Variants in UGT1A7 observed in about 807,000 individuals in gnomAD.
The protein encoded by UGT1A7 is UDP glucuronosyltransferase family 1 member A7, also known as UDP-glucuronosyltransferase 1A7.
A neutral mutation model predicts 45.6 loss-of-function variants in UGT1A7; 33 were observed. That is an observed-to-expected ratio of 0.72 (90% CI 0.55 to 0.97). UGT1A7 has a LOEUF of 0.97. Among genes scored for constraint, UGT1A7 ranks in the 50% least tolerant of loss-of-function variants. UGT1A7 has a pLI of 0.00. For missense variants in UGT1A7, 684 were observed against 666.2 expected, an observed-to-expected ratio of 1.03 and a Z score of -0.29; for synonymous variants, 274 against 250.6, an observed-to-expected ratio of 1.09 and a Z score of -0.88.
intron 1 of UGT1A7, chr2:233,756,004 CTATT>C (rs1422603012): frequency 6.6e-6 from 1 of 152,210 alleles, no homozygotes; most frequent in Non-Finnish European, 1.5e-5. Flanking sequence ...TGCATTCTAT[CTATT>C]GTGATATTAC....
At chr2:233,754,933 C>CAAAGG (rs1267849400) in intron 1 of UGT1A7, 2 of 1,344,048 alleles carry the variant, frequency 1.5e-6, no homozygotes, top group African/African-American at 3.0e-5. Flanking sequence ...CCCAAGAGGT[C>CAAAGG]AAAGGAGAAT....
intron 1 of UGT1A7, among the ~76,000 whole-genome samples, chr2:233,700,193 T>C (rs2075549348): frequency 1.3e-5 from 2 of 152,154 alleles, no homozygotes; most frequent in African/African-American, 4.8e-5. Context: ...ATCTCAGCCT[T>C]TGTTGGCTGA....
chr2:233,713,358 A>T, intron 1 of UGT1A7: 1 of 1,614,168 alleles, frequency 6.2e-7, no homozygotes, highest in Non-Finnish European at 8.5e-7. Context: ...TATGTCTTTG[A>T]TCATACATAG....
chr2:233,693,870 G>T (rs1264402797), intron 1 of UGT1A7: 2 of 1,614,164 alleles, frequency 1.2e-6, no homozygotes, highest in East Asian at 4.5e-5. Context: ...TCTCAGGTTG[G>T]TGGGTTTATT....
At chr2:233,700,356 T>C (rs998443446) in intron 1 of UGT1A7, among the ~76,000 whole-genome samples, 8 of 152,234 alleles carry the variant, frequency 5.3e-5, no homozygotes, top group African/African-American at 1.7e-4. Context: ...CTTATCTTTA[T>C]GGCTGATTAT....
At chr2:233,767,960 T>C (rs769330196) in intron 3 of UGT1A7, 24 bp downstream of exon 3, 3 of 1,614,200 alleles carry the variant, frequency 1.9e-6, no homozygotes, top group Non-Finnish European at 2.5e-6. Context: ...ATTGGATGTA[T>C]AGGTCAAACC....
intron 1 of UGT1A7, among the ~76,000 whole-genome samples, chr2:233,686,019 A>G (rs2074769050): frequency 6.6e-6 from 1 of 152,196 alleles, no homozygotes; most frequent in South Asian, 2.1e-4. Flanking sequence ...GATTTTCATC[A>G]TGGTGCCAAG....
Position 233,713,643 on chromosome 2 carries a change from C to G in UGT1A7, c.855+30851C>G, listed in dbSNP as rs149715967. On this transcript the variant is annotated intron_variant, in intron 1 of 4. Transcript: ENST00000373426. ...AAGGGTCAAGAACATGCTCTACCCTCTGGCCCTGTCCTACCTTTGCCATGC... is the reference window on the plus strand; with the variant it reads ...AAGGGTCAAGAACATGCTCTACCCTGTGGCCCTGTCCTACCTTTGCCATGC... 717 of 1,613,992 alleles carry G rather than the reference C, an allele frequency of 4.4e-4. 2 individuals are homozygous for G. The highest frequency in any genetic ancestry group is 1.7e-3 in the South Asian group (154 of 91,058).
chr2:233,734,413 C>G (rs1324994664), intron 1 of UGT1A7, among the ~76,000 whole-genome samples: 1 of 152,086 alleles, frequency 6.6e-6, no homozygotes, highest in Non-Finnish European at 1.5e-5. Flanking sequence ...ATTCTTCTCT[C>G]TTTTCTTCTT....
At chr2:233,691,780 A>G (rs1456285892) in intron 1 of UGT1A7, 7 of 283,208 alleles carry the variant, frequency 2.5e-5, no homozygotes, top group Non-Finnish European at 3.7e-5. Context: ...CTCACCACGT[A>G]CTGGCTAGAC....
intron 1 of UGT1A7, among the ~76,000 whole-genome samples, chr2:233,752,171 G>A (rs1336232019): frequency 2.6e-5 from 4 of 152,222 alleles, no homozygotes; most frequent in Non-Finnish European, 2.9e-5. Context: ...AGTGTGTGAT[G>A]TAAGCTGAAT....
At chr2:233,718,464 C>A (rs2076655519) in intron 1 of UGT1A7, among the ~76,000 whole-genome samples, 1 of 152,218 alleles carries the variant, frequency 6.6e-6, no homozygotes, top group Non-Finnish European at 1.5e-5. Flanking sequence ...CAGACCTCAG[C>A]TGCAGCCTGA....
chr2:233,706,265 C>T (rs529383479), intron 1 of UGT1A7, among the ~76,000 whole-genome samples: 1 of 152,244 alleles, frequency 6.6e-6, no homozygotes, highest in Non-Finnish European at 1.5e-5. Flanking sequence ...AGCTGGATTG[C>T]CCAACCTCAG....
intron 4 of UGT1A7, among the ~76,000 whole-genome samples, chr2:233,768,739 C>T (rs542073297): frequency 1.3e-5 from 2 of 151,854 alleles, no homozygotes; most frequent in African/African-American, 4.8e-5. Context: ...TCCACCACCA[C>T]GCCCGGTTAA....
chr2:233,772,462 T>C lies in UGT1A7; in HGVS notation c.1496T>C (p.Val499Ala), dbSNP rs752117935. The C allele has an allele frequency of 6.2e-7, 1 of 1,614,170 alleles. No homozygotes were observed. Among genetic ancestry groups the C allele is most frequent in the South Asian group, 1.1e-5 (1 of 91,082 alleles). ...TTCCTCTTGGCCGTCGTGCTGACAG[T>C]GGCCTTCATCACCTTTAAATGTTGT... is the stretch of plus-strand genomic sequence containing the variant. ...IGFLLAVVLTVAFITFKCCAY... is the reference protein window; with the variant it reads ...IGFLLAVVLTAAFITFKCCAY... Residue 499 changes from valine to alanine, a missense_variant, in exon 5 of 5, where the codon GTG becomes GCG. Physicochemically the swap from Val to Ala is moderately conservative, Grantham distance 64. Transcript: ENST00000373426.
intron 1 of UGT1A7, chr2:233,729,254 G>C (rs1181621220): frequency 1.2e-6 from 2 of 1,614,100 alleles, no homozygotes; most frequent in Admixed American, 1.7e-5. Context: ...CACTGGCTCA[G>C]CATGCGGGAG....
Position 233,682,427 on chromosome 2 carries a change from C to T in UGT1A7, c.490C>T (p.Pro164Ser). 1.2e-6 allele frequency: 2 copies of T among 1,613,826 alleles called. No individual in the cohort carries two copies. Among genetic ancestry groups the T allele is most frequent in the Non-Finnish European group, 1.7e-6 (2 of 1,179,854 alleles). The change falls in exon 1 of 5, where the codon CCC becomes TCC. Residue 164 changes from proline (P) to serine (S), a missense_variant. Pro to Ser is a moderately conservative substitution (Grantham distance 74). Coordinates refer to ENST00000373426, the MANE Select transcript of UGT1A7 (RefSeq NM_019077.3). Reference protein sequence around the residue: ...GLIVAKYFSLPSVVFARGIFC... With the variant: ...GLIVAKYFSLSSVVFARGIFC... ...AATTGTTGCCAAATATTTCTCCCTC[C>T]CCTCTGTGGTCTTCGCCAGGGGAAT...
chr2:233,735,517 G>A (rs2078663232), intron 1 of UGT1A7, among the ~76,000 whole-genome samples: 1 of 152,112 alleles, frequency 6.6e-6, no homozygotes, highest in Non-Finnish European at 1.5e-5. Context: ...TACATTTAAG[G>A]TAAATATTGT....
chr2:233,760,680 G>A, intron 1 of UGT1A7: 1 of 1,614,136 alleles, frequency 6.2e-7, no homozygotes, highest in Non-Finnish European at 8.5e-7. Flanking sequence ...CCCACTTACT[G>A]CACAACAAGG....
Sources: gnomAD v4.1 joint callset for allele counts (sites outside exome capture counted in the v4.1 genomes callset) on GRCh38, gnomAD v4.1.1 for gene constraint, MANE v1.5 for transcripts, NCBI Gene and HGNC (gene_info 2026-07-23, HGNC 2026-07-21) for gene names.